The following PCDHGB6 variants were observed in gnomAD, a reference collection of about 807,000 sequenced individuals.
The protein encoded by PCDHGB6 is protocadherin gamma-B6.
PCDHGB6 carries 51 observed loss-of-function variants against 59.1 expected under a neutral mutation model. The observed-to-expected ratio is 0.86, with a 90% CI of 0.69 to 1.09. The LOEUF is 1.09. Among genes scored for constraint, PCDHGB6 ranks in the 50% least tolerant of loss-of-function variants. The pLI, the probability that PCDHGB6 is intolerant of heterozygous loss-of-function variation, is 0.00. For missense variants in PCDHGB6, 1,148 were observed against 1,205.1 expected, an observed-to-expected ratio of 0.95 and a Z score of 0.70; for synonymous variants, 466 against 495.1, an observed-to-expected ratio of 0.94 and a Z score of 0.78.
At chr5:141,418,935 A>T (rs1424307952) in intron 1 of PCDHGB6, 2 of 1,613,834 alleles carry the variant, frequency 1.2e-6, no homozygotes, top group Admixed American at 3.3e-5. Context: ...ATTATGGAGG[A>T]TTCCCCTCCA....
chr5:141,500,175 CA>C (rs762724660), intron 2 of PCDHGB6, among the ~76,000 whole-genome samples: 15 of 147,258 alleles, frequency 1.0e-4, no homozygotes, highest in Non-Finnish European at 1.5e-4. Flanking sequence ...GCATGAGCTT[CA>C]TTTTTATTTT....
At position 141,421,580 on chromosome 5, in the gene PCDHGB6, A is replaced by G. The variant is rs375319424; in HGVS notation, c.2418+10960A>G. ...CTCGTGGAAGACACCTTGAAGATTT[A>G]CGGAGTGGAGGTGGAAATAATAGAT... On this transcript the variant is annotated intron_variant, in intron 1 of 3. Transcript: ENST00000520790. The G allele has an allele frequency of 1.1e-5, 17 of 1,613,782 alleles. No individual in the cohort carries two copies. In the East Asian group the frequency reaches 2.7e-4, roughly 25 times the overall value.
At chr5:141,466,450 G>T (rs139024933) in intron 1 of PCDHGB6, among the ~76,000 whole-genome samples, 1 of 152,172 alleles carries the variant, frequency 6.6e-6, no homozygotes, top group Non-Finnish European at 1.5e-5. Context: ...TGTCTATGGT[G>T]TTGGCTATTG....
chr5:141,475,049 A>G (rs553607902), intron 1 of PCDHGB6, among the ~76,000 whole-genome samples: 81 of 152,346 alleles, frequency 5.3e-4, no homozygotes, highest in African/African-American at 1.8e-3. Context: ...TGTATTTTCT[A>G]AAGATTTGTG....
chr5:141,424,149 G>T, intron 1 of PCDHGB6: 1 of 324,612 alleles, frequency 3.1e-6, no homozygotes. Flanking sequence ...GCTCCCTCTA[G>T]CTCTCCTTCT....
rs1293684074 is a variant in PCDHGB6 at position 141,512,899 on chromosome 5, C to T, written c.*1726C>T. On this transcript the variant is annotated 3_prime_UTR_variant, in exon 4 of 4. Transcript: ENST00000520790. ...CCCACCCCACCCTCTTCCTGTGTCT[C>T]ACGCAAGTTTTATACTCTAATATTT... 1 of 152,260 alleles carries T rather than the reference C, an allele frequency of 6.6e-6. No homozygotes were observed. Among genetic ancestry groups the T allele is most frequent in the Non-Finnish European group, 1.5e-5 (1 of 68,064 alleles). 9.4% of individuals were successfully genotyped at this position (152,260 alleles called of 1,614,324 possible). A position where few individuals can be genotyped will look rare whatever the true frequency, so the allele number is the denominator to read the frequency against.
At chr5:141,423,618 C>T (rs2096760725) in intron 1 of PCDHGB6, 2 of 1,608,284 alleles carry the variant, frequency 1.2e-6, no homozygotes, top group East Asian at 2.2e-5. Flanking sequence ...TAGCTGAAGA[C>T]TCAGCTATCA....
chr5:141,417,833 G>A (rs968698994), intron 1 of PCDHGB6: 8 of 1,529,614 alleles, frequency 5.2e-6, no homozygotes, highest in Middle Eastern at 1.7e-4. Context: ...TGGAAAAGCG[G>A]GGACCCAGCG....
In PCDHGB6 at chr5:141,485,186, G is replaced by T; in HGVS notation, c.2419-9621G>T. ...GCGGGCGGCAGCAATGCTCCGCAAG[G>T]TGAGAAGCTGGACAGAAATCTGGCG... On this transcript the variant is annotated intron_variant, in intron 1 of 3. Coordinates refer to ENST00000520790, the MANE Select transcript of PCDHGB6 (RefSeq NM_018926.3). This position sits in a 1 kb window ranked among gnomAD's most constrained non-coding sequence, Gnocchi z 5.7. 1 of 1,613,706 alleles carries T rather than the reference G, an allele frequency of 6.2e-7. No individual in the cohort carries two copies. The highest frequency in any genetic ancestry group is 8.5e-7 in the Non-Finnish European group (1 of 1,179,644).
rs2097536640 is a variant in PCDHGB6 at position 141,432,779 on chromosome 5, G to C, written c.2418+22159G>C. 3 of 1,614,170 alleles carry C rather than the reference G, an allele frequency of 1.9e-6. No individual in the cohort carries two copies. The highest frequency in any genetic ancestry group is 2.5e-6 in the Non-Finnish European group (3 of 1,180,002). On this transcript the variant is annotated intron_variant, in intron 1 of 3. Coordinates refer to ENST00000520790, the MANE Select transcript of PCDHGB6 (RefSeq NM_018926.3). The surrounding 1 kb of genome is among the most constrained non-coding windows in gnomAD (Gnocchi z 6.0). Reference sequence around the variant, plus strand: ...CGACAGCATCCCCCAAGTCCTGGCGGACCTCGGCAGCCTCGAGTCTCCAGC... The same window carrying C: ...CGACAGCATCCCCCAAGTCCTGGCGCACCTCGGCAGCCTCGAGTCTCCAGC...
chr5:141,485,093 T>C lies in PCDHGB6; in HGVS notation c.2419-9714T>C. 1 of 1,076,296 alleles carries C rather than the reference T, an allele frequency of 9.3e-7. No homozygotes were observed. Among genetic ancestry groups the C allele is most frequent in the Non-Finnish European group, 1.4e-6 (1 of 718,118 alleles). 66.7% of individuals were successfully genotyped at this position (1,076,296 alleles called of 1,614,324 possible). ...TGGCGCGGGGAAAGGGAGATAGGTG[T>C]CTCCAGCTGCTGTGGCTGTTTGGGG... On this transcript the variant is annotated intron_variant, in intron 1 of 3. Coordinates refer to ENST00000520790, the MANE Select transcript of PCDHGB6 (RefSeq NM_018926.3). The surrounding 1 kb of genome is among the most constrained non-coding windows in gnomAD (Gnocchi z 5.7).
rs779391932 is a variant in PCDHGB6, at chr5:141,419,996, C to T, written c.2418+9376C>T. Reference sequence around the variant, plus strand: ...CCTCGCGGTGATTCTAGCTATTGCTCTACGCCTGCGACAGTCTTTCAGCCC... The same window carrying T: ...CCTCGCGGTGATTCTAGCTATTGCTTTACGCCTGCGACAGTCTTTCAGCCC... On this transcript the variant is annotated intron_variant, in intron 1 of 3. Coordinates refer to ENST00000520790, the MANE Select transcript of PCDHGB6 (RefSeq NM_018926.3). 10 of 1,613,966 alleles carry T rather than the reference C, an allele frequency of 6.2e-6. No homozygotes were observed. In the East Asian group the frequency reaches 2.2e-4, roughly 36 times the overall value.
At chr5:141,436,347 CT>C (rs1402378657) in intron 1 of PCDHGB6, among the ~76,000 whole-genome samples, 1 of 152,118 alleles carries the variant, frequency 6.6e-6, no homozygotes, top group African/African-American at 2.4e-5. Context: ...ATATCAGTGA[CT>C]TCAATCAACT....
At chr5:141,440,912 G>A (rs1281398967) in intron 1 of PCDHGB6, 1 of 152,254 alleles carries the variant, frequency 6.6e-6, no homozygotes, top group African/African-American at 2.4e-5. Context: ...GGGCACTCCT[G>A]TGCTGAGAGT....
In PCDHGB6 at chr5:141,430,950, T is replaced by A. The variant is rs756423770; in HGVS notation, c.2418+20330T>A. 7 of 1,609,862 alleles carry A rather than the reference T, an allele frequency of 4.3e-6. No individual in the cohort carries two copies. Among genetic ancestry groups the A allele is most frequent in the Non-Finnish European group, 5.1e-6 (6 of 1,178,368 alleles). On this transcript the variant is annotated intron_variant, in intron 1 of 3. Transcript: ENST00000520790. ...CCCCGGGAGCTCGCGGAGCGCGGAG[T>A]CCGCATCATCCCCAGAGGTAGGACG... is the stretch of plus-strand genomic sequence containing the variant.
At position 141,408,720 on chromosome 5, in the gene PCDHGB6, A is replaced by T; in HGVS notation, c.518A>T (p.Asn173Ile). 1 of 1,611,332 alleles carries T rather than the reference A, an allele frequency of 6.2e-7. No individual in the cohort carries two copies. The highest frequency in any genetic ancestry group is 8.5e-7 in the Non-Finnish European group (1 of 1,178,520). ...AACTCAATTAAAGATTATAAGATAA[A>T]CTCTAATCCTTATTTTTCATTAATG... is the stretch of plus-strand genomic sequence containing the variant. Reference protein sequence around the residue: ...NINSIKDYKINSNPYFSLMVR... With the variant: ...NINSIKDYKIISNPYFSLMVR... The change falls in exon 1 of 4, where the codon AAC (asparagine) becomes ATC (isoleucine). Residue 173 changes from asparagine to isoleucine, a missense_variant. Physicochemically the swap from Asn to Ile is moderately radical, Grantham distance 149. This residue lies in a region of PCDHGB6 where 307 missense variants were observed against 323.8 expected (regional missense o/e 0.95). Transcript: ENST00000520790.
intron 1 of PCDHGB6, among the ~76,000 whole-genome samples, chr5:141,461,644 A>C (rs1266858748): frequency 1.3e-5 from 2 of 151,868 alleles, no homozygotes; most frequent in Non-Finnish European, 2.9e-5. Flanking sequence ...TTCTTCTTTG[A>C]CCCATGGATT....
Position 141,447,955 on chromosome 5 carries a change from G to A in PCDHGB6, c.2418+37335G>A, listed in dbSNP as rs536740280. On this transcript the variant is annotated intron_variant, in intron 1 of 3. Coordinates refer to ENST00000520790, the MANE Select transcript of PCDHGB6 (RefSeq NM_018926.3). ...ACAAAAATTAGCTGGGCATGGTGGC[G>A]GACACCTATAATCCCAGCTACTCGG... Among the ~76,000 whole-genome samples the A allele has an allele frequency of 1.6e-4, 24 of 151,898 alleles. 1 individual carries two copies. The highest frequency in any genetic ancestry group is 8.3e-4 in the South Asian group (4 of 4,816).
Position 141,431,690 on chromosome 5 carries a change from G to A in PCDHGB6, c.2418+21070G>A. 1.2e-6 allele frequency: 2 copies of A among 1,614,234 alleles called. No individual in the cohort carries two copies. Among genetic ancestry groups the A allele is most frequent in the Non-Finnish European group, 8.5e-7 (1 of 1,180,040 alleles). On this transcript the variant is annotated intron_variant, in intron 1 of 3. Coordinates refer to ENST00000520790, the MANE Select transcript of PCDHGB6 (RefSeq NM_018926.3). The surrounding 1 kb of genome is among the most constrained non-coding windows in gnomAD (Gnocchi z 4.8). ...AACAATAGGGGAGTTGGACCACGAG[G>A]AGTCAGGATTCTACCAGATGGAAGT... is the stretch of plus-strand genomic sequence containing the variant.
Sources: gnomAD v4.1 joint callset for allele counts (sites outside exome capture counted in the v4.1 genomes callset) on GRCh38, gnomAD v4.1.1 for gene constraint, gnomAD v4.1.1 regional missense constraint, Gnocchi (gnomAD v3.1) non-coding constraint, MANE v1.5 for transcripts, NCBI Gene and HGNC (gene_info 2026-07-23, HGNC 2026-07-21) for gene names.